Variants in VPS13A observed in about 807,000 individuals in gnomAD.
VPS13A encodes vacuolar protein sorting 13 homolog A, also known as intermembrane lipid transfer protein VPS13A.
Under a neutral mutation model 390.9 loss-of-function variants are expected in VPS13A, and 264 were observed. The ratio of observed to expected loss-of-function variants is 0.68; its 90% CI spans 0.61 to 0.75. The LOEUF (loss-of-function observed/expected upper bound fraction) is 0.75, where lower values mean the gene tolerates loss of function less well. Among genes scored for constraint, VPS13A ranks in the 30% least tolerant of loss-of-function variants. VPS13A has a pLI of 0.00. For synonymous variants in VPS13A, 1,231 were observed against 1,227.1 expected (o/e 1.00, Z -0.07); for missense variants, 3,409 against 3,733.9 (o/e 0.91, Z 2.27).
chr9:77,319,727 C>T, intron 42 of VPS13A, 54 bp downstream of exon 42: 7 of 1,025,898 alleles, frequency 6.8e-6, no homozygotes, highest in Non-Finnish European at 9.8e-6. Flanking sequence ...TTTTAAAAGA[C>T]TTTATTTTTT....
At chr9:77,207,232 TATATATATATATATATATATAA>T (rs1313138708) in intron 5 of VPS13A, among the ~76,000 whole-genome samples, 6 of 98,102 alleles carry the variant, frequency 6.1e-5, no homozygotes, top group South Asian at 6.8e-4. Context: ...TATATATATA[TATATATATATATATATATATAA>T]AACGTGTTAT....
At chr9:77,326,553 C>T (rs1245758688) in intron 45 of VPS13A, among the ~76,000 whole-genome samples, 1 of 152,034 alleles carries the variant, frequency 6.6e-6, no homozygotes, top group East Asian at 1.9e-4. Flanking sequence ...ATATTTTTCT[C>T]AATAGTAGTC....
chr9:77,193,986 G>A lies in VPS13A; in HGVS notation c.101-5959G>A, dbSNP rs574364089. On this transcript the variant is annotated intron_variant, in intron 1 of 71. Coordinates refer to ENST00000360280, the MANE Select transcript of VPS13A (RefSeq NM_033305.3). ...ACATGACTTTGTTCTCTGTCTCCTCGAGGTTAAGCACCCATTGCACTGGTG... is the reference window on the plus strand; with the variant it reads ...ACATGACTTTGTTCTCTGTCTCCTCAAGGTTAAGCACCCATTGCACTGGTG... Among the ~76,000 whole-genome samples, 39 of 152,206 alleles carry A rather than the reference G, an allele frequency of 2.6e-4. 1 individual carries two copies. In the South Asian group the frequency reaches 7.3e-3, roughly 28 times the overall value.
At position 77,323,118 on chromosome 9, in the gene VPS13A, G is replaced by T. The variant is rs767419110; in HGVS notation, c.5882G>T (p.Arg1961Leu). 6.2e-7 allele frequency: 1 copy of T among 1,613,006 alleles called. No individual in the cohort carries two copies. Among genetic ancestry groups the T allele is most frequent in the Non-Finnish European group, 8.5e-7 (1 of 1,179,352 alleles). The part of the protein sequence containing the change: ...ADKIPLTKVG[R>L]RLYTVRHRES... ...AAGATTCCTTTAACAAAAGTGGGAC[G>T]ACGTCTGTACACTGTAAGACACAGA... is the stretch of plus-strand genomic sequence containing the variant. The change falls in exon 45 of 72, where the codon CGA (arginine) becomes CTA (leucine). Residue 1961 changes from arginine to leucine, a missense_variant. Around this residue, in one of 5 missense-constraint regions of VPS13A, gnomAD observed 2,717 missense variants for 2,917.4 expected, o/e 0.93. Transcript: ENST00000360280.
chr9:77,299,973 T>C (rs1828247979), intron 33 of VPS13A, among the ~76,000 whole-genome samples: 1 of 152,024 alleles, frequency 6.6e-6, no homozygotes, highest in Admixed American at 6.5e-5. Flanking sequence ...ATAATTAATG[T>C]ATGTGGAGCT....
chr9:77,181,138 A>AT (rs1375974858), intron 1 of VPS13A, among the ~76,000 whole-genome samples: 1 of 152,190 alleles, frequency 6.6e-6, no homozygotes, highest in East Asian at 1.9e-4. Flanking sequence ...TAGCTGGAGT[A>AT]TTTTTTTAAA....
In VPS13A at chr9:77,314,647, C is replaced by G; in HGVS notation, c.4395C>G (p.Val1465=). Residue 1465 remains valine (V), a synonymous_variant, in exon 37 of 72, where the codon GTC becomes GTG. Coordinates refer to ENST00000360280, the MANE Select transcript of VPS13A (RefSeq NM_033305.3). ...TTTTAGATGATAAAAGACCTCATGT[C>G]AAGAAAGCAACTCCTCGGTATGTAT... ...NCILDDKRPH[V]KKATPRMIGL... The G allele has an allele frequency of 6.2e-7, 1 of 1,612,148 alleles. No homozygotes were observed. The highest frequency in any genetic ancestry group is 8.5e-7 in the Non-Finnish European group (1 of 1,178,782).
chr9:77,219,680 A>C (rs1004006713), intron 10 of VPS13A, among the ~76,000 whole-genome samples: 8 of 151,912 alleles, frequency 5.3e-5, no homozygotes, highest in Admixed American at 3.9e-4. Flanking sequence ...TTTTCTTAAA[A>C]TGTTTCTGCT....
intron 31 of VPS13A, among the ~76,000 whole-genome samples, chr9:77,286,194 A>G (rs953853187): frequency 4.6e-5 from 7 of 151,762 alleles, no homozygotes; most frequent in Admixed American, 2.6e-4. Context: ...TATTTCCTGT[A>G]ATTTGGTCTT....
Position 77,344,681 on chromosome 9 carries a change from C to T in VPS13A, c.7156-328C>T, listed in dbSNP as rs528024979. Among the ~76,000 whole-genome samples the T allele has an allele frequency of 4.3e-3, 654 of 151,970 alleles. 3 individuals carry two copies. Among genetic ancestry groups the T allele is most frequent in the African/African-American group, 0.015 (618 of 41,416 alleles). On this transcript the variant is annotated intron_variant, in intron 51 of 71. Coordinates refer to ENST00000360280, the MANE Select transcript of VPS13A (RefSeq NM_033305.3). ...GGCTGAGGCAGGAGAATGGTGTGAA[C>T]CCGGGAGGTGGAGCTTGCAGTGAGC...
At chr9:77,395,547 T>C (rs976759196) in intron 68 of VPS13A, among the ~76,000 whole-genome samples, 2 of 152,326 alleles carry the variant, frequency 1.3e-5, no homozygotes, top group Middle Eastern at 6.8e-3. Context: ...GTTGGACAAA[T>C]GGTGCCTGTA....
rs1304688249 is a variant in VPS13A, at chr9:77,260,200, A to G, written c.2403A>G (p.Val801=). The change falls in exon 23 of 72, where the codon GTA becomes GTG. Residue 801 remains valine, a synonymous_variant. Coordinates refer to ENST00000360280, the MANE Select transcript of VPS13A (RefSeq NM_033305.3). ...SIPKPEPVTE[V]SAPVKSFQIQ... Reference sequence around the variant, plus strand: ...CAAAACCTGAACCAGTAACTGAAGTATCTGCCCCTGTCAAATCATTCCAGG... The same window carrying G: ...CAAAACCTGAACCAGTAACTGAAGTGTCTGCCCCTGTCAAATCATTCCAGG... The G allele has an allele frequency of 1.9e-6, 3 of 1,613,544 alleles. No homozygotes were observed. Among genetic ancestry groups the G allele is most frequent in the Admixed American group, 3.3e-5 (2 of 60,022 alleles).
intron 46 of VPS13A, among the ~76,000 whole-genome samples, chr9:77,334,836 GA>G (rs1346361093): frequency 6.6e-6 from 1 of 152,178 alleles, no homozygotes; most frequent in Non-Finnish European, 1.5e-5. Flanking sequence ...AAGGAATGTA[GA>G]AGTAGAATAG....
intron 59 of VPS13A, among the ~76,000 whole-genome samples, chr9:77,361,101 A>G (rs1438861178): frequency 6.6e-6 from 1 of 152,142 alleles, no homozygotes; most frequent in Non-Finnish European, 1.5e-5. Flanking sequence ...GGATGGAGAA[A>G]GAGCAAATTA....
chr9:77,370,390 T>C (rs778807834), intron 64 of VPS13A, 25 bp from the exon 65 acceptor site: 1 of 1,614,162 alleles, frequency 6.2e-7, no homozygotes. Context: ...GCATCATTAC[T>C]TTTACTAAAG....
At chr9:77,240,478 G>GTTTTTTT (rs11351060) in intron 19 of VPS13A, among the ~76,000 whole-genome samples, 9 of 126,060 alleles carry the variant, frequency 7.1e-5, no homozygotes, top group Admixed American at 1.6e-4. Context: ...TTATGTTTTT[G>GTTTTTTT]TTTTTTTTTT....
intron 68 of VPS13A, among the ~76,000 whole-genome samples, chr9:77,389,286 C>T (rs1833812040): frequency 6.6e-6 from 1 of 150,774 alleles, no homozygotes; most frequent in South Asian, 2.1e-4. Context: ...ATTTATGGAG[C>T]ACATAAAGAG....
At chr9:77,330,424 A>G (rs1394027813) in intron 45 of VPS13A, among the ~76,000 whole-genome samples, 10 of 152,098 alleles carry the variant, frequency 6.6e-5, no homozygotes, top group African/African-American at 2.2e-4. Flanking sequence ...AATTTCAACT[A>G]CTAGTTATTC....
Position 77,296,514 on chromosome 9 carries a change from T to G in VPS13A, c.3812+668T>G, listed in dbSNP as rs2185434. 8.5e-3 allele frequency among the ~76,000 whole-genome samples: 1,288 copies of G among 152,286 alleles called. 10 individuals are homozygous for G. Among genetic ancestry groups the G allele is most frequent in the South Asian group, 0.014 (67 of 4,824 alleles). On this transcript the variant is annotated intron_variant, in intron 33 of 71. Transcript: ENST00000360280. ...TAATTCTCTTGCTTGTCTCTTCACCTTATTTTTGTCTCATTTTTTACTTAA... is the reference window on the plus strand; with the variant it reads ...TAATTCTCTTGCTTGTCTCTTCACCGTATTTTTGTCTCATTTTTTACTTAA...
Sources: allele counts gnomAD v4.1 joint callset (sites outside exome capture counted in the v4.1 genomes callset), GRCh38; gene constraint gnomAD v4.1.1; regional missense constraint gnomAD v4.1.1; transcripts MANE v1.5; gene names NCBI Gene and HGNC (gene_info 2026-07-23, HGNC 2026-07-21).